Variants in SPTA1 observed in about 807,000 individuals in gnomAD.
SPTA1 encodes spectrin alpha chain, erythrocytic 1.
In SPTA1, 177 loss-of-function variants were observed where a neutral mutation model predicts 324.7. The observed-to-expected ratio is 0.55, with a 90% CI of 0.48 to 0.62. The LOEUF (loss-of-function observed/expected upper bound fraction) is 0.62. Ranked by LOEUF, SPTA1 falls within the 20% of genes least tolerant of loss-of-function variation. SPTA1 has a pLI of 0.00. For missense variants in SPTA1, 3,162 were observed against 2,883.6 expected (o/e 1.10, Z -2.21); for synonymous variants, 1,195 against 1,041.3 (o/e 1.15, Z -2.84).
intron 16 of SPTA1, among the ~76,000 whole-genome samples, chr1:158,664,045 A>C (rs1273891442): frequency 1.3e-5 from 2 of 152,198 alleles, no homozygotes; most frequent in Non-Finnish European, 2.9e-5. Flanking sequence ...TCTCCATAAA[A>C]AAATTAAAGG....
intron 51 of SPTA1, 119 bp from the exon 52 acceptor site, chr1:158,611,508 C>T (rs776386620): frequency 9.8e-6 from 11 of 1,118,166 alleles, no homozygotes; most frequent in Non-Finnish European, 1.3e-5. Flanking sequence ...GACGCAAGCC[C>T]TATTTCTATT....
intron 21 of SPTA1, 31 bp downstream of exon 21, chr1:158,654,580 T>G (rs1319462726): frequency 6.2e-7 from 1 of 1,613,670 alleles, no homozygotes; most frequent in African/African-American, 1.3e-5. Flanking sequence ...AAGAGCCACT[T>G]TTTGATGGAA....
intron 4 of SPTA1, 27 bp downstream of exon 4, chr1:158,681,500 G>A: frequency 1.2e-6 from 2 of 1,613,392 alleles, no homozygotes; most frequent in Non-Finnish European, 1.7e-6. Context: ...GGGAGGCCCT[G>A]TGTGATTGCT....
intron 23 of SPTA1, among the ~76,000 whole-genome samples, chr1:158,651,927 G>C (rs192285536): frequency 6.6e-6 from 1 of 151,004 alleles, no homozygotes; most frequent in African/African-American, 2.5e-5. Context: ...GTGTGTGCGC[G>C]TGTGTGTGTG....
chr1:158,651,242 C>A, intron 24 of SPTA1, 125 bp downstream of exon 24: 1 of 743,568 alleles, frequency 1.3e-6, no homozygotes, highest in South Asian at 1.5e-5. Flanking sequence ...TAGCTAATTC[C>A]ATACTGCTGT....
intron 39 of SPTA1, among the ~76,000 whole-genome samples, chr1:158,632,924 CCA>C (rs1553226297): frequency 5.3e-5 from 8 of 152,000 alleles, no homozygotes; most frequent in African/African-American, 1.9e-4. Context: ...TGGAAACAGC[CCA>C]GACTCCCCTC....
At chr1:158,618,914 T>C (rs1378040514) in intron 45 of SPTA1, among the ~76,000 whole-genome samples, 1 of 152,186 alleles carries the variant, frequency 6.6e-6, no homozygotes, top group Non-Finnish European at 1.5e-5. Context: ...CAATATGGCA[T>C]GTGAACATAA....
chr1:158,626,851 C>T lies in SPTA1; in HGVS notation c.5821G>A (p.Glu1941Lys). The T allele has an allele frequency of 1.9e-6, 3 of 1,613,758 alleles. No individual in the cohort carries two copies. The highest frequency in any genetic ancestry group is 2.5e-6 in the Non-Finnish European group (3 of 1,179,696). ...QEFNWKADVV[E>K]AWIADKETSL... Reference sequence around the variant, plus strand: ...TGACACATCATACCTATCCAAGCCTCTACCACATCAGCCTTCCAGTTGAAT... The same window carrying T: ...TGACACATCATACCTATCCAAGCCTTTACCACATCAGCCTTCCAGTTGAAT... Residue 1941 changes from glutamate (E) to lysine (K), a missense_variant, in exon 41 of 52, where the codon GAG becomes AAG. By Grantham distance (56) the Glu-to-Lys change is moderately conservative. Transcript: ENST00000643759.
chr1:158,613,055 G>A, intron 50 of SPTA1, 94 bp from the exon 51 acceptor site: 1 of 1,374,526 alleles, frequency 7.3e-7, no homozygotes, highest in Non-Finnish European at 1.0e-6. Flanking sequence ...ACAGAGGAAA[G>A]CCAGATTCTC....
chr1:158,623,327 C>T, intron 42 of SPTA1, 135 bp from the exon 43 acceptor site: 1 of 827,082 alleles, frequency 1.2e-6, no homozygotes, highest in Admixed American at 1.8e-5. Context: ...GGAAATATAA[C>T]TTAGAGATGT....
intron 33 of SPTA1, 124 bp from the exon 34 acceptor site, chr1:158,640,131 A>G: frequency 8.4e-7 from 1 of 1,184,684 alleles, no homozygotes; most frequent in Non-Finnish European, 1.2e-6. Flanking sequence ...ATACTTGAAT[A>G]TCATACATTT....
At chr1:158,612,263 A>G (rs1286367118) in intron 51 of SPTA1, 2 of 169,008 alleles carry the variant, frequency 1.2e-5, no homozygotes, top group African/African-American at 4.8e-5. Context: ...ACGTCCTTCA[A>G]CACTCACCCT....
rs1206490776 is a variant in SPTA1 at position 158,645,607 on chromosome 1, A to G, written c.3897-13T>C. On this transcript the variant is annotated splice_polypyrimidine_tract_variant and intron_variant, in intron 27 of 51. Coordinates refer to ENST00000643759, the MANE Select transcript of SPTA1 (RefSeq NM_003126.4). ...GTTCTGCAGATCCCTAGATAAACAG[A>G]CACATTGGAATTGACAAGAAAACCT... The G allele has an allele frequency of 6.2e-7, 1 of 1,613,830 alleles. No homozygotes were observed. Among genetic ancestry groups the G allele is most frequent in the African/African-American group, 1.3e-5 (1 of 75,028 alleles).
In SPTA1 at chr1:158,648,657, G is replaced by T. The variant is rs368705298; in HGVS notation, c.3570-4C>A. On this transcript the variant is annotated splice_region_variant and splice_polypyrimidine_tract_variant and intron_variant, in intron 25 of 51. Coordinates refer to ENST00000643759, the MANE Select transcript of SPTA1 (RefSeq NM_003126.4). Reference sequence around the variant, plus strand: ...CTCCTTCGTGTCATCTGCTTCTCTGGTATACAAGAGAGTAGAGAGTTCAAA... The same window carrying T: ...CTCCTTCGTGTCATCTGCTTCTCTGTTATACAAGAGAGTAGAGAGTTCAAA... 3 of 1,613,432 alleles carry T rather than the reference G, an allele frequency of 1.9e-6. No homozygotes were observed. Among genetic ancestry groups the T allele is most frequent in the Non-Finnish European group, 2.5e-6 (3 of 1,179,792 alleles).
chr1:158,614,624 A>AT (rs1253258350), intron 48 of SPTA1: 1 of 264,990 alleles, frequency 3.8e-6, no homozygotes, highest in Non-Finnish European at 7.1e-6. Context: ...GGCCACGGTC[A>AT]TTCACTTATC....
chr1:158,672,545 A>G lies in SPTA1; in HGVS notation c.1351-349T>C, dbSNP rs138340174. Among the ~76,000 whole-genome samples the G allele has an allele frequency of 5.3e-4, 81 of 152,306 alleles. 2 individuals carry two copies. The East Asian group carries it at 0.015, about 28-fold the overall frequency. On this transcript the variant is annotated intron_variant, in intron 10 of 51. Transcript: ENST00000643759. ...TGCCATAAGCAAATGAACTGCAAAT[A>G]ATTTTTAGATAATGTAATGTGAGCT...
chr1:158,656,220 A>T (rs1652812906), intron 20 of SPTA1, among the ~76,000 whole-genome samples: 1 of 152,226 alleles, frequency 6.6e-6, no homozygotes, highest in Non-Finnish European at 1.5e-5. Context: ...GGCATTAAAA[A>T]TTAAGAAACA....
chr1:158,634,605 T>A lies in SPTA1; in HGVS notation c.5503A>T (p.Ile1835Phe). The change falls in exon 39 of 52, where the codon ATC becomes TTC. Residue 1835 changes from isoleucine to phenylalanine, a missense_variant. Transcript: ENST00000643759. ...MQNAEEEEAW[I>F]NEKNALAVRG... is the part of the protein sequence containing the mutation. ...ACAGCCAAAGCATTCTTTTCATTGA[T>A]CCAAGCTTCCTCTTCCTCAGCATTC... 6.2e-7 allele frequency: 1 copy of A among 1,614,184 alleles called. No homozygotes were observed. The highest frequency in any genetic ancestry group is 8.5e-7 in the Non-Finnish European group (1 of 1,180,048).
intron 2 of SPTA1, among the ~76,000 whole-genome samples, chr1:158,684,148 T>C (rs1393328360): frequency 2.0e-5 from 3 of 151,398 alleles, no homozygotes; most frequent in Non-Finnish European, 4.4e-5. Context: ...AGAGAACAGG[T>C]ATCACATGCT....
Sources: allele counts gnomAD v4.1 joint callset (sites outside exome capture counted in the v4.1 genomes callset), GRCh38; gene constraint gnomAD v4.1.1; transcripts MANE v1.5; gene names NCBI Gene and HGNC (gene_info 2026-07-23, HGNC 2026-07-21).